OLA1: variants seen among roughly 807,000 people sequenced by gnomAD.
OLA1 encodes the protein Obg like ATPase 1.
Under a neutral mutation model 48.4 loss-of-function variants are expected in OLA1, and 14 were observed. The ratio of observed to expected loss-of-function variants is 0.29; its 90% CI spans 0.19 to 0.45. OLA1 has a LOEUF of 0.45. OLA1 is among the 20% of genes least tolerant of loss of function. The pLI is 1.00. For synonymous variants in OLA1, 127 were observed against 150.4 expected, an observed-to-expected ratio of 0.84 and a Z score of 1.14; for missense variants, 325 against 467.1, an observed-to-expected ratio of 0.70 and a Z score of 2.80.
In OLA1 at chr2:174,073,830, T is replaced by C. The variant is rs983913785; in HGVS notation, c.*1596A>G. On this transcript the variant is annotated 3_prime_UTR_variant, in exon 11 of 11. Coordinates refer to ENST00000284719, the MANE Select transcript of OLA1 (RefSeq NM_013341.5). The stretch of plus-strand genomic sequence containing the variant: ...TACAGAAATAGATATAACAAGGATT[T>C]TTCACAGCAAACTTGGTCAGCTATA... 4 of 152,360 alleles carry C rather than the reference T, an allele frequency of 2.6e-5. No individual in the cohort carries two copies. In the South Asian group the frequency reaches 6.2e-4, roughly 24 times the overall value. 9.4% of individuals were successfully genotyped at this position (152,360 alleles called of 1,614,324 possible).
intron 4 of OLA1, among the ~76,000 whole-genome samples, chr2:174,164,666 C>T (rs550583464): frequency 8.5e-5 from 13 of 152,100 alleles, no homozygotes; most frequent in Non-Finnish European, 1.5e-4. Context: ...TCTCCAAATT[C>T]ACAGAATTAT....
chr2:174,113,903 G>T (rs1685714961), intron 7 of OLA1, among the ~76,000 whole-genome samples: 1 of 152,074 alleles, frequency 6.6e-6, no homozygotes, highest in African/African-American at 2.4e-5. Flanking sequence ...TGTAAAATGG[G>T]CATGATAATA....
chr2:174,230,014 T>G (rs1320016678), intron 2 of OLA1, among the ~76,000 whole-genome samples: 2 of 152,222 alleles, frequency 1.3e-5, no homozygotes, highest in Non-Finnish European at 2.9e-5. Context: ...AATGTGAATT[T>G]TATTCAAGGT....
intron 7 of OLA1, among the ~76,000 whole-genome samples, chr2:174,082,849 T>C (rs767169773): frequency 1.3e-5 from 2 of 152,100 alleles, no homozygotes; most frequent in Non-Finnish European, 2.9e-5. Context: ...AATTAGAACA[T>C]AAATGAAATA....
At chr2:174,188,395 T>A (rs1237993011) in intron 4 of OLA1, among the ~76,000 whole-genome samples, 2 of 151,546 alleles carry the variant, frequency 1.3e-5, no homozygotes, top group African/African-American at 4.8e-5. Flanking sequence ...ATAATAATAA[T>A]AAATACCGTA....
intron 5 of OLA1, among the ~76,000 whole-genome samples, chr2:174,130,021 G>A (rs1472927685): frequency 6.6e-6 from 1 of 152,090 alleles, no homozygotes; most frequent in Non-Finnish European, 1.5e-5. Context: ...TTAGGGCAAG[G>A]CTTCCGGTTC....
At chr2:174,083,713 T>A (rs1453537547) in intron 7 of OLA1, among the ~76,000 whole-genome samples, 2 of 152,196 alleles carry the variant, frequency 1.3e-5, no homozygotes, top group Non-Finnish European at 2.9e-5. Context: ...ATCAATGGTT[T>A]AGTAACTTAC....
At chr2:174,102,954 G>T (rs1195793549) in intron 7 of OLA1, among the ~76,000 whole-genome samples, 1 of 152,068 alleles carries the variant, frequency 6.6e-6, no homozygotes, top group African/African-American at 2.4e-5. Flanking sequence ...AGCTTTTTAT[G>T]GGGGCCCAAG....
At chr2:174,127,433 T>C (rs1267155906) in intron 5 of OLA1, among the ~76,000 whole-genome samples, 2 of 152,218 alleles carry the variant, frequency 1.3e-5, no homozygotes, top group Admixed American at 1.3e-4. Context: ...ATCACAAAAA[T>C]AGTAATTTTT....
chr2:174,157,131 G>A (rs1686906045), intron 4 of OLA1, among the ~76,000 whole-genome samples: 2 of 152,160 alleles, frequency 1.3e-5, no homozygotes, highest in Admixed American at 1.3e-4. Context: ...CATCCACTTG[G>A]AGGTGTATAA....
At chr2:174,223,603 G>T (rs76431247) in intron 3 of OLA1, among the ~76,000 whole-genome samples, 19,912 of 151,806 alleles carry the variant, frequency 0.13, 1,763 homozygotes, top group Non-Finnish European at 0.2. Flanking sequence ...AACTCTATAA[G>T]ATGGATGCTA....
chr2:174,144,059 C>T (rs1686522931), intron 4 of OLA1, among the ~76,000 whole-genome samples: 1 of 152,110 alleles, frequency 6.6e-6, no homozygotes, highest in African/African-American at 2.4e-5. Context: ...CATGATCATG[C>T]CACTACACTC....
rs908060306 is a variant in OLA1 at position 174,075,259 on chromosome 2, G to T, written c.*167C>A. 9.3e-5 allele frequency: 48 copies of T among 514,398 alleles called. 2 individuals are homozygous for T. The highest frequency in any genetic ancestry group is 5.3e-4 in the Middle Eastern group (1 of 1,876). The allele number at this position is 514,398 out of a possible 1,614,324, so 31.9% of individuals were successfully genotyped here. ...TTAGTGAACCTGCATTTCATGGGGG[G>T]GGGGGGGTACACAGTATTTTAATTT... On this transcript the variant is annotated 3_prime_UTR_variant, in exon 11 of 11. Transcript: ENST00000284719.
At chr2:174,156,767 T>A (rs201787438) in intron 4 of OLA1, among the ~76,000 whole-genome samples, 1 of 151,792 alleles carries the variant, frequency 6.6e-6, no homozygotes, top group East Asian at 1.9e-4. Context: ...GTATTTTTAG[T>A]AGAGACAGGG....
chr2:174,232,205 T>C (rs1232288818), intron 2 of OLA1, among the ~76,000 whole-genome samples: 1 of 152,222 alleles, frequency 6.6e-6, no homozygotes, highest in Non-Finnish European at 1.5e-5. Flanking sequence ...TAAGTCAATC[T>C]GACTGAATAG....
At chr2:174,165,433 T>C (rs752747316) in intron 4 of OLA1, among the ~76,000 whole-genome samples, 1 of 152,222 alleles carries the variant, frequency 6.6e-6, no homozygotes, top group Non-Finnish European at 1.5e-5. Flanking sequence ...CAAGGTCATA[T>C]AGCTAACAAC....
At position 174,079,007 on chromosome 2, in the gene OLA1, GTA is replaced by G. The variant is rs1684806813; in HGVS notation, c.1048_1049del (p.Tyr350ArgfsTer4). 6.2e-7 allele frequency: 1 copy of G among 1,602,030 alleles called. No individual in the cohort carries two copies. The highest frequency in any genetic ancestry group is 1.4e-5 in the African/African-American group (1 of 74,026). On this transcript the variant is annotated frameshift_variant, in exon 10 of 11. Coordinates refer to ENST00000284719, the MANE Select transcript of OLA1 (RefSeq NM_013341.5). LOFTEE classifies it high-confidence loss of function. The part of the protein sequence containing the change: ...KGFIMAEVMK[Y>X]EDFKEEGSEN... ...CAGAACCTTCCTCTTTAAAATCTTC[GTA>G]TTTCATTACTTCAGCCATAATGAAT...
At chr2:174,235,980 C>T (rs1313428966) in intron 2 of OLA1, among the ~76,000 whole-genome samples, 6 of 152,082 alleles carry the variant, frequency 3.9e-5, no homozygotes, top group Non-Finnish European at 7.4e-5. Flanking sequence ...AGTACTAGGG[C>T]TTAAGTAGCA....
intron 3 of OLA1, among the ~76,000 whole-genome samples, chr2:174,223,624 C>T (rs1243571256): frequency 4.6e-5 from 7 of 151,740 alleles, no homozygotes; most frequent in Admixed American, 4.6e-4. Context: ...TTTATTAAGC[C>T]CACTTTACAG....
Sources: gnomAD v4.1 joint callset for allele counts (sites outside exome capture counted in the v4.1 genomes callset) on GRCh38, gnomAD v4.1.1 for gene constraint, MANE v1.5 for transcripts, NCBI Gene and HGNC (gene_info 2026-07-23, HGNC 2026-07-21) for gene names.